ST8SIA3: variants seen among roughly 807,000 people sequenced by gnomAD.
ST8SIA3 encodes the protein ST8 alpha-N-acetyl-neuraminide alpha-2,8-sialyltransferase 3, also known as alpha-N-acetylneuraminate alpha-2,8-sialyltransferase ST8SIA3.
In ST8SIA3, 17 loss-of-function variants were observed where a neutral mutation model predicts 34.5. The observed-to-expected ratio is 0.49, with a 90% confidence interval of 0.34 to 0.74. The LOEUF is 0.74. ST8SIA3 is among the 30% of genes least tolerant of loss of function. The pLI, the probability that ST8SIA3 is intolerant of heterozygous loss-of-function variation, is 0.01. For missense variants in ST8SIA3, 354 were observed against 467.8 expected, an observed-to-expected ratio of 0.76 and a Z score of 2.24; for synonymous variants, 172 against 176.1, an observed-to-expected ratio of 0.98 and a Z score of 0.19.
At chr18:57,354,354 C>G (rs751540315) in intron 1 of ST8SIA3, 48 bp from the exon 2 acceptor site, 3 of 1,610,210 alleles carry the variant, frequency 1.9e-6, no homozygotes, top group Non-Finnish European at 2.5e-6. Flanking sequence ...ACCTCGGCTT[C>G]CCCGAGCTGA....
At chr18:57,353,368 C>A (rs555613284) in intron 1 of ST8SIA3, among the ~76,000 whole-genome samples, 1 of 152,030 alleles carries the variant, frequency 6.6e-6, no homozygotes, top group South Asian at 2.1e-4. Flanking sequence ...GGGCGGCGAG[C>A]AGAGATGGAC....
rs1201578049 is a variant in ST8SIA3, at chr18:57,352,856, T to C, written c.10T>C (p.Cys4Arg). ...CCCAGCCCAGCCCGGGATGAGAAAC[T>C]GCAAAATGGCCCGGGTCGCCAGTGT... MRN[C>R]KMARVASVLG... Residue 4 changes from cysteine (C) to arginine (R), a missense_variant, in exon 1 of 4, where the codon TGC becomes CGC. Physicochemically the swap from Cys to Arg is radical, Grantham distance 180. Transcript: ENST00000324000. 3 of 1,613,194 alleles carry C rather than the reference T, an allele frequency of 1.9e-6. No homozygotes were observed. Among genetic ancestry groups the C allele is most frequent in the East Asian group, 2.2e-5 (1 of 44,838 alleles).
rs1282690138 is a variant in ST8SIA3, at chr18:57,366,958, G to A, written c.*6681G>A. 6.6e-6 allele frequency: 1 copy of A among 152,202 alleles called. No individual in the cohort carries two copies. The highest frequency in any genetic ancestry group is 1.5e-5 in the Non-Finnish European group (1 of 68,034). The allele number at this position is 152,202 out of a possible 1,614,324, so 9.4% of individuals were successfully genotyped here. On this transcript the variant is annotated 3_prime_UTR_variant, in exon 4 of 4. Coordinates refer to ENST00000324000, the MANE Select transcript of ST8SIA3 (RefSeq NM_015879.3). ...ACTAGTTGTGAGTGTACTTCCAACT[G>A]AGTGTTTAGAAATCAGGTAATCTGG...
At position 57,360,006 on chromosome 18, in the gene ST8SIA3, A is replaced by G; in HGVS notation, c.872A>G (p.Asn291Ser). The G allele has an allele frequency of 6.2e-7, 1 of 1,611,308 alleles. No individual in the cohort carries two copies. The highest frequency in any genetic ancestry group is 8.5e-7 in the Non-Finnish European group (1 of 1,177,640). The change falls in exon 4 of 4, where the codon AAC (asparagine) becomes AGC (serine). Residue 291 changes from asparagine to serine, a missense_variant. Around this residue, in one of 3 missense-constraint regions of ST8SIA3, gnomAD observed 166 missense variants for 245.2 expected, o/e 0.68. Coordinates refer to ENST00000324000, the MANE Select transcript of ST8SIA3 (RefSeq NM_015879.3). ...TTATTGTTCCACAGGTACTGGAAAA[A>G]CAAACATTTGTCACCTAAACGGCTG... The part of the protein sequence containing the change: ...IMQHVNRYWK[N>S]KHLSPKRLST...
rs557216442 is a variant in ST8SIA3, at chr18:57,352,664, AC to A, written c.-178del. On this transcript the variant is annotated 5_prime_UTR_variant, in exon 1 of 4. Transcript: ENST00000324000. The stretch of plus-strand genomic sequence containing the variant: ...CTCTCCGGGGCTCCTGCCAGCCCCA[AC>A]CCCCGGCCCCGGTGGCCTCCCCCCA... 58 of 407,256 alleles carry A rather than the reference AC, an allele frequency of 1.4e-4. No individual in the cohort carries two copies. The highest frequency in any genetic ancestry group is 1.2e-3 in the African/African-American group (52 of 42,174). 25.2% of individuals were successfully genotyped at this position (407,256 alleles called of 1,614,324 possible).
chr18:57,357,804 A>T (rs2049807886), intron 3 of ST8SIA3, among the ~76,000 whole-genome samples: 1 of 152,212 alleles, frequency 6.6e-6, no homozygotes, highest in Non-Finnish European at 1.5e-5. Context: ...AGATAGCTAT[A>T]TTCCAAGAAT....
chr18:57,352,715 G>A lies in ST8SIA3; in HGVS notation c.-132G>A, dbSNP rs1448477746. The A allele has an allele frequency of 7.6e-6, 1 of 131,894 alleles. No individual in the cohort carries two copies. Among genetic ancestry groups the A allele is most frequent in the South Asian group, 3.3e-5 (1 of 29,928 alleles). 8.2% of individuals were successfully genotyped at this position (131,894 alleles called of 1,614,324 possible). ...ACCCCCGCCCGGGTCCCCCTCCTCC[G>A]CCACACGCGCGCGCGCTCACACACA... is the stretch of plus-strand genomic sequence containing the variant. On this transcript the variant is annotated 5_prime_UTR_variant, in exon 1 of 4. Transcript: ENST00000324000.
chr18:57,358,116 GTC>G lies in ST8SIA3; in HGVS notation c.860+648_860+649del, dbSNP rs1246600047. On this transcript the variant is annotated intron_variant, in intron 3 of 3. Transcript: ENST00000324000. ...ACTTGAGAGCTTTAAAAATACTATTGTCTAGGCTCTGCCTCAAGAGATCCTAA... is the reference window on the plus strand; with the variant it reads ...ACTTGAGAGCTTTAAAAATACTATTGTAGGCTCTGCCTCAAGAGATCCTAA... 3.9e-5 allele frequency among the ~76,000 whole-genome samples: 6 copies of G among 152,266 alleles called. No homozygotes were observed. In the East Asian group the frequency reaches 7.7e-4, roughly 20 times the overall value.
chr18:57,368,379 A>C lies in ST8SIA3; in HGVS notation c.*8102A>C, dbSNP rs1208289736. The C allele has an allele frequency of 6.6e-6, 1 of 152,210 alleles. No individual in the cohort carries two copies. The highest frequency in any genetic ancestry group is 1.5e-5 in the Non-Finnish European group (1 of 68,042). The allele number at this position is 152,210 out of a possible 1,614,324, so 9.4% of individuals were successfully genotyped here. ...AGGTCAAAAAGTAGAAGAATAGCGA[A>C]TGTAAGTTATTAAATAAATGAGCAA... On this transcript the variant is annotated 3_prime_UTR_variant, in exon 4 of 4. Transcript: ENST00000324000.
At position 57,360,131 on chromosome 18, in the gene ST8SIA3, G is replaced by A; in HGVS notation, c.997G>A (p.Asp333Asn). 1 of 1,614,164 alleles carries A rather than the reference G, an allele frequency of 6.2e-7. No individual in the cohort carries two copies. The highest frequency in any genetic ancestry group is 8.5e-7 in the Non-Finnish European group (1 of 1,180,024). Residue 333 changes from aspartate (D) to asparagine (N), a missense_variant, in exon 4 of 4, where the codon GAT becomes AAT. By Grantham distance (23) the Asp-to-Asn change is conservative (BLOSUM62 1). Transcript: ENST00000324000. ...PFGFDPNTRE[D>N]LPYHYYDKKG... is the part of the protein sequence containing the mutation. ...TGGATTTGACCCCAACACAAGGGAA[G>A]ATCTTCCATACCATTACTATGACAA...
intron 3 of ST8SIA3, among the ~76,000 whole-genome samples, chr18:57,358,072 C>G (rs2049809192): frequency 6.6e-6 from 1 of 152,190 alleles, no homozygotes; most frequent in Non-Finnish European, 1.5e-5. Context: ...ATTTTCAACT[C>G]TGGTTGTATA....
chr18:57,357,932 C>T (rs28708589), intron 3 of ST8SIA3, among the ~76,000 whole-genome samples: 8,644 of 152,260 alleles, frequency 0.057, 262 homozygotes, highest in Non-Finnish European at 0.065. Flanking sequence ...TCATAAATTG[C>T]ACAATCTGCC....
rs143367150 is a variant in ST8SIA3, at chr18:57,353,424, C to T, written c.179+399C>T. The stretch of plus-strand genomic sequence containing the variant: ...CCCCGCGCCCTGTCCGCAGACTCCG[C>T]GGGCCGGGCCCGGGGCGGTGCTGGC... On this transcript the variant is annotated intron_variant, in intron 1 of 3. Transcript: ENST00000324000. Among the ~76,000 whole-genome samples, 1,304 of 152,166 alleles carry T rather than the reference C, an allele frequency of 8.6e-3. 47 individuals are homozygous for T. Among genetic ancestry groups the T allele is most frequent in the East Asian group, 0.084 (428 of 5,124 alleles).
chr18:57,366,551 AT>A lies in ST8SIA3; in HGVS notation c.*6275del, dbSNP rs1294243609. The A allele has an allele frequency of 6.6e-6, 1 of 152,214 alleles. No homozygotes were observed. Among genetic ancestry groups the A allele is most frequent in the Non-Finnish European group, 1.5e-5 (1 of 68,062 alleles). 9.4% of individuals were successfully genotyped at this position (152,214 alleles called of 1,614,324 possible). Reference sequence around the variant, plus strand: ...TCATCCTTCTGACACAATAAAAAAAATACAGGTACCCACAAAACAGTGCCTG... The same window carrying A: ...TCATCCTTCTGACACAATAAAAAAAAACAGGTACCCACAAAACAGTGCCTG... On this transcript the variant is annotated 3_prime_UTR_variant, in exon 4 of 4. Coordinates refer to ENST00000324000, the MANE Select transcript of ST8SIA3 (RefSeq NM_015879.3).
intron 2 of ST8SIA3, among the ~76,000 whole-genome samples, chr18:57,354,838 ACTGCCAAAGCCAT>A (rs1237956034): frequency 6.6e-6 from 1 of 150,382 alleles, no homozygotes; most frequent in African/African-American, 2.5e-5. Context: ...TCTGGCAAGT[ACTGCCAAAGCCAT>A]CTATTTAAAA....
Position 57,363,425 on chromosome 18 carries a change from T to C in ST8SIA3, c.*3148T>C, listed in dbSNP as rs1369098426. ...TCTGTGTCTTAAGTGTCTGTGAATA[T>C]TGTAAAAGTGCTGTATGTTTAGTAG... On this transcript the variant is annotated 3_prime_UTR_variant, in exon 4 of 4. Transcript: ENST00000324000. 1 of 152,244 alleles carries C rather than the reference T, an allele frequency of 6.6e-6. No individual in the cohort carries two copies. The allele number at this position is 152,244 out of a possible 1,614,324, so 9.4% of individuals were successfully genotyped here. A position where few individuals can be genotyped will look rare whatever the true frequency, so the allele number is the denominator to read the frequency against.
chr18:57,367,393 G>C lies in ST8SIA3; in HGVS notation c.*7116G>C, dbSNP rs2144215098. ...GAGTCAGGTGCATGTTCAGATGTCT[G>C]TATTCCCAATACATTGCATGCAGCC... On this transcript the variant is annotated 3_prime_UTR_variant, in exon 4 of 4. Transcript: ENST00000324000. 1 of 152,722 alleles carries C rather than the reference G, an allele frequency of 6.5e-6. No homozygotes were observed. Among genetic ancestry groups the C allele is most frequent in the South Asian group, 2.1e-4 (1 of 4,826 alleles). The allele number at this position is 152,722 out of a possible 1,614,324, so 9.5% of individuals were successfully genotyped here.
Position 57,366,412 on chromosome 18 carries a change from CTTTAA to C in ST8SIA3, c.*6141_*6145del, listed in dbSNP as rs1314843346. ...AAGGGTGACCCTCCAGGAAAACATT[CTTTAA>C]TTTAACTACCAGTTAAAACCATGTT... On this transcript the variant is annotated 3_prime_UTR_variant, in exon 4 of 4. Transcript: ENST00000324000. 8 of 152,576 alleles carry C rather than the reference CTTTAA, an allele frequency of 5.2e-5. No homozygotes were observed. The highest frequency in any genetic ancestry group is 5.2e-4 in the Admixed American group (8 of 15,274). 9.5% of individuals were successfully genotyped at this position (152,576 alleles called of 1,614,324 possible).
chr18:57,354,373 C>T (rs12606016), intron 1 of ST8SIA3, 29 bp from the exon 2 acceptor site: 4 of 1,613,496 alleles, frequency 2.5e-6, no homozygotes, highest in Non-Finnish European at 3.4e-6. Context: ...GAGGCCAGCA[C>T]GCTTGTCTGT....
Sources: gnomAD v4.1 joint callset for allele counts (sites outside exome capture counted in the v4.1 genomes callset) on GRCh38, gnomAD v4.1.1 for gene constraint, gnomAD v4.1.1 regional missense constraint, MANE v1.5 for transcripts, NCBI Gene and HGNC (gene_info 2026-07-23, HGNC 2026-07-21) for gene names.